The following ZNF394 variants were observed in gnomAD, a reference collection of about 807,000 sequenced individuals.
The protein encoded by ZNF394 is zinc finger protein 394, also known as zinc finger protein 99.
Under a neutral mutation model 21.8 loss-of-function variants are expected in ZNF394, and 19 were observed. That is an observed-to-expected ratio of 0.87 (90% CI 0.61 to 1.28). The LOEUF (loss-of-function observed/expected upper bound fraction) is 1.28, where lower values mean the gene tolerates loss of function less well. ZNF394 is among the 50% of genes most tolerant of loss of function. The probability of loss-of-function intolerance (pLI) is 0.00; values close to 1 mark genes in which losing one functional copy is unlikely to be tolerated. For missense variants in ZNF394, 683 were observed against 708.6 expected, an observed-to-expected ratio of 0.96 and a Z score of 0.41; for synonymous variants, 294 against 273.3, an observed-to-expected ratio of 1.08 and a Z score of -0.75.
At chr7:99,493,116 G>T, downstream of ZNF394, 1 of 777,306 alleles carries the variant, frequency 1.3e-6, no homozygotes, top group Non-Finnish European at 1.6e-6. Context: ...CTGTAATGAG[G>T]CTCAGGACAG....
chr7:99,487,798 C>T (rs1446683635), intron 1 of ZNF394, among the ~76,000 whole-genome samples: 8 of 151,238 alleles, frequency 5.3e-5, no homozygotes, highest in Non-Finnish European at 8.8e-5. Flanking sequence ...AAGGGCTGGG[C>T]GCGGTGGCTC....
intron 2 of ZNF394, among the ~76,000 whole-genome samples, chr7:99,497,188 T>A (rs1470449534): frequency 6.9e-6 from 1 of 144,700 alleles, no homozygotes; most frequent in African/African-American, 2.6e-5. Context: ...TGAGACGGAG[T>A]CTTGCTCTGT....
downstream of ZNF394, among the ~76,000 whole-genome samples, chr7:99,491,549 GGGC>G (rs1421790611): frequency 6.6e-6 from 1 of 152,020 alleles, no homozygotes; most frequent in Non-Finnish European, 1.5e-5. Flanking sequence ...AAGCTGAGGC[GGGC>G]GGACCACGAG....
At chr7:99,487,166 G>T (rs1245487067) in intron 1 of ZNF394, 1 of 1,614,128 alleles carries the variant, frequency 6.2e-7, no homozygotes, top group South Asian at 1.1e-5. Context: ...CTTGAGTGTG[G>T]AAAAGCCTTT....
intron 1 of ZNF394, among the ~76,000 whole-genome samples, chr7:99,488,081 A>AC (rs1315377104): frequency 6.6e-6 from 1 of 151,342 alleles, no homozygotes; most frequent in African/African-American, 2.4e-5. Context: ...CAAAAAAAAA[A>AC]AAAAAAAAAA....
chr7:99,496,562 G>C (rs1192156868), intron 2 of ZNF394, among the ~76,000 whole-genome samples: 1 of 151,660 alleles, frequency 6.6e-6, no homozygotes, highest in Non-Finnish European at 1.5e-5. Flanking sequence ...CTGCACATCA[G>C]GCATCAGAGG....
chr7:99,487,369 C>A, intron 1 of ZNF394: 1 of 1,614,192 alleles, frequency 6.2e-7, no homozygotes, highest in South Asian at 1.1e-5. Flanking sequence ...TCTTTTTCGA[C>A]ATCAGGTCAT....
chr7:99,489,011 G>A (rs1026762126), downstream of ZNF394, among the ~76,000 whole-genome samples: 5 of 147,816 alleles, frequency 3.4e-5, no homozygotes, highest in African/African-American at 7.5e-5. Context: ...TCAGCCCGGC[G>A]CAGTGGCTCA....
downstream of ZNF394, among the ~76,000 whole-genome samples, chr7:99,488,703 G>C (rs1052732540): frequency 2.6e-5 from 4 of 151,726 alleles, no homozygotes; most frequent in Non-Finnish European, 5.9e-5. Flanking sequence ...GCCAAGGCGG[G>C]TGGGTCACAA....
rs768931680 is a variant in ZNF394 at position 99,499,624 on chromosome 7, C to T, written c.456+14G>A. The T allele has an allele frequency of 5.8e-6, 9 of 1,562,042 alleles. No individual in the cohort carries two copies. In the African/African-American group the frequency reaches 1.1e-4, roughly 19 times the overall value. ...CCACACTCCCACCTCCAGAACAGGCCTTTCGCTTCTCACCTGGGATGAGGT... is the reference window on the plus strand; with the variant it reads ...CCACACTCCCACCTCCAGAACAGGCTTTTCGCTTCTCACCTGGGATGAGGT... On this transcript the variant is annotated intron_variant, in intron 1 of 2. Transcript: ENST00000337673.
downstream of ZNF394, among the ~76,000 whole-genome samples, chr7:99,489,159 C>T (rs995025164): frequency 4.0e-5 from 6 of 151,406 alleles, no homozygotes; most frequent in Non-Finnish European, 7.4e-5. Context: ...TGGTGCGCGC[C>T]TGTAGTCCCA....
Position 99,498,679 on chromosome 7 carries a change from A to T in ZNF394, c.583+37T>A. The T allele has an allele frequency of 1.9e-6, 3 of 1,613,266 alleles. No individual in the cohort carries two copies. The South Asian group carries it at 3.3e-5, about 18-fold the overall frequency. ...GTAGTGAACCAGCCCTTCACAAACCACACACCGCAATAAACCAGCAGAGCA... is the reference window on the plus strand; with the variant it reads ...GTAGTGAACCAGCCCTTCACAAACCTCACACCGCAATAAACCAGCAGAGCA... On this transcript the variant is annotated intron_variant, in intron 2 of 2. Coordinates refer to ENST00000337673, the MANE Select transcript of ZNF394 (RefSeq NM_032164.4).
At chr7:99,498,514 G>A in intron 2 of ZNF394, 1 of 559,856 alleles carries the variant, frequency 1.8e-6, no homozygotes, top group Non-Finnish European at 3.0e-6. Flanking sequence ...ATAGTTTTCT[G>A]TATGTATAAA....
chr7:99,496,094 G>GT (rs780965676), intron 2 of ZNF394, among the ~76,000 whole-genome samples: 10 of 152,034 alleles, frequency 6.6e-5, no homozygotes, highest in Non-Finnish European at 5.9e-5. Context: ...GCTAATTTTT[G>GT]TATTTTTAGT....
chr7:99,496,428 G>A lies in ZNF394; in HGVS notation c.584-1797C>T, dbSNP rs1019017496. 6.5e-4 allele frequency among the ~76,000 whole-genome samples: 99 copies of A among 152,196 alleles called. 1 individual carries two copies. Among genetic ancestry groups the A allele is most frequent in the Non-Finnish European group, 2.5e-4 (17 of 68,024 alleles). ...TAGAGTAGAATATTCCAGGCAGAGC[G>A]GTCACATAGCACAAAGACCAGGAGG... On this transcript the variant is annotated intron_variant, in intron 2 of 2. Transcript: ENST00000337673.
chr7:99,492,091 A>G (rs997451293), downstream of ZNF394, among the ~76,000 whole-genome samples: 10 of 151,662 alleles, frequency 6.6e-5, no homozygotes, highest in South Asian at 2.1e-4. Flanking sequence ...AAAAAAAAAA[A>G]AAAGAAATCA....
rs748314045 is a variant in ZNF394 at position 99,499,702 on chromosome 7, C to T, written c.392G>A (p.Ser131Asn). The T allele has an allele frequency of 2.5e-6, 4 of 1,613,282 alleles. No individual in the cohort carries two copies. The highest frequency in any genetic ancestry group is 1.7e-5 in the Admixed American group (1 of 59,990). The change falls in exon 1 of 3, where the codon AGC (serine) becomes AAC (asparagine). Residue 131 changes from serine to asparagine, a missense_variant. By Grantham distance (46) the Ser-to-Asn change is conservative. Coordinates refer to ENST00000337673, the MANE Select transcript of ZNF394 (RefSeq NM_032164.4). ...QAWVREHCPESGEEAVAVVRA... is the reference protein window; with the variant it reads ...QAWVREHCPENGEEAVAVVRA... The stretch of plus-strand genomic sequence containing the variant: ...CACCACGGCCACCGCCTCCTCCCCG[C>T]TCTCTGGGCAGTGCTCTCGCACCCA...
downstream of ZNF394, among the ~76,000 whole-genome samples, chr7:99,492,903 G>A (rs1800193202): frequency 6.6e-6 from 1 of 152,042 alleles, no homozygotes; most frequent in Non-Finnish European, 1.5e-5. Context: ...AGTGAACCAC[G>A]ATCACACCAC....
rs1266119877 is a variant in ZNF394 at position 99,500,044 on chromosome 7, C to T, written c.50G>A (p.Gly17Glu). Residue 17 changes from glycine (G) to glutamate (E), a missense_variant, in exon 1 of 3, where the codon GGA becomes GAA. Transcript: ENST00000337673. ...GGACCTCGCAGCCATCACCCAGGGT[C>T]CCAACTCGGCGTCACTGCCGCGCCT... ...AQRRGSDAEL[G>E]PWVMAARSKD... 1.3e-6 allele frequency: 2 copies of T among 1,591,642 alleles called. No homozygotes were observed. Among genetic ancestry groups the T allele is most frequent in the Non-Finnish European group, 1.7e-6 (2 of 1,172,420 alleles).
Sources: gnomAD v4.1 joint callset for allele counts (sites outside exome capture counted in the v4.1 genomes callset) on GRCh38, gnomAD v4.1.1 for gene constraint, MANE v1.5 for transcripts, NCBI Gene and HGNC (gene_info 2026-07-23, HGNC 2026-07-21) for gene names.